The following ERBB4 variants were observed in gnomAD, a reference collection of about 807,000 sequenced individuals.
ERBB4 encodes receptor tyrosine-protein kinase erbB-4.
A neutral mutation model predicts 158.0 loss-of-function variants in ERBB4; 42 were observed. The ratio of observed to expected loss-of-function variants is 0.27; its 90% CI spans 0.21 to 0.34. ERBB4 has a LOEUF of 0.34. ERBB4 is among the 10% of genes least tolerant of loss of function. The pLI is 1.00. For synonymous variants in ERBB4, 583 were observed against 558.7 expected (o/e 1.04, Z -0.61); for missense variants, 1,333 against 1,624.1 (o/e 0.82, Z 3.08).
chr2:211,580,901 A>T (rs1296352002), intron 19 of ERBB4, among the ~76,000 whole-genome samples: 1 of 6,154 alleles, frequency 1.6e-4, no homozygotes, highest in Non-Finnish European at 2.9e-4. Context: ...ATATATATAT[A>T]TATATATATA....
chr2:211,428,268 G>A, intron 22 of ERBB4, 140 bp downstream of exon 22: 1 of 448,070 alleles, frequency 2.2e-6, no homozygotes, highest in Non-Finnish European at 4.1e-6. Flanking sequence ...AGAAAGCAAA[G>A]AGTTAACTGC....
At chr2:211,654,890 T>C (rs548971605) in intron 16 of ERBB4, among the ~76,000 whole-genome samples, 4 of 152,282 alleles carry the variant, frequency 2.6e-5, no homozygotes, top group African/African-American at 9.6e-5. Context: ...CTATTTATGA[T>C]AAGGCTAATC....
chr2:212,446,595 A>G (rs1416883168), intron 1 of ERBB4, among the ~76,000 whole-genome samples: 52 of 14,888 alleles, frequency 3.5e-3, no homozygotes, highest in South Asian at 0.023. Flanking sequence ...ATATATGTAT[A>G]TATATATATA....
At chr2:211,639,445 G>A (rs1287852110) in intron 16 of ERBB4, among the ~76,000 whole-genome samples, 1 of 152,156 alleles carries the variant, frequency 6.6e-6, no homozygotes, top group Non-Finnish European at 1.5e-5. Context: ...AGAGCAGAAA[G>A]TATTACATAA....
chr2:211,924,418 T>C (rs2079960304), intron 3 of ERBB4, among the ~76,000 whole-genome samples: 1 of 152,106 alleles, frequency 6.6e-6, no homozygotes, highest in Admixed American at 6.6e-5. Flanking sequence ...ACTTCACCAC[T>C]AAGCAACATA....
At chr2:211,794,811 C>A (rs997726239) in intron 3 of ERBB4, among the ~76,000 whole-genome samples, 1 of 151,824 alleles carries the variant, frequency 6.6e-6, no homozygotes, top group Admixed American at 6.6e-5. Context: ...TAATCCCATA[C>A]GTGTGTCAAC....
Position 212,433,641 on chromosome 2 carries a change from C to T in ERBB4, c.82+104808G>A, listed in dbSNP as rs534349808. On this transcript the variant is annotated intron_variant, in intron 1 of 27. Coordinates refer to ENST00000342788, the MANE Select transcript of ERBB4 (RefSeq NM_005235.3). ...TGATCCAAGAAAAAAATAGGTCCTT[C>T]GCAAAAGTTCTTTCTTAGAAGAGCT... Among the ~76,000 whole-genome samples the T allele has an allele frequency of 2.0e-4, 30 of 152,052 alleles. 1 individual carries two copies. The highest frequency in any genetic ancestry group is 1.4e-3 in the Admixed American group (22 of 15,246).
intron 4 of ERBB4, among the ~76,000 whole-genome samples, chr2:211,760,328 T>C (rs1224004546): frequency 6.6e-6 from 1 of 152,216 alleles, no homozygotes; most frequent in African/African-American, 2.4e-5. Context: ...TCTGTACACA[T>C]CTATCATATT....
In ERBB4 at chr2:211,566,383, T is replaced by C. The variant is rs1382108785; in HGVS notation, c.2302-4295A>G. 5.9e-5 allele frequency among the ~76,000 whole-genome samples: 9 copies of C among 152,220 alleles called. No individual in the cohort carries two copies. In the East Asian group the frequency reaches 1.7e-3, roughly 29 times the overall value. ...AGGTAAATAGGAGACACCCAACAAG[T>C]TTCCAAAATATCTGCGGAGACTGCT... is the stretch of plus-strand genomic sequence containing the variant. On this transcript the variant is annotated intron_variant, in intron 19 of 27. Transcript: ENST00000342788.
At chr2:212,343,556 C>A (rs2088828945) in intron 1 of ERBB4, among the ~76,000 whole-genome samples, 1 of 151,996 alleles carries the variant, frequency 6.6e-6, no homozygotes, top group Non-Finnish European at 1.5e-5. Context: ...GAAAGAGGGC[C>A]AAGAAAGCAC....
At chr2:211,636,606 T>C (rs1480755329) in intron 16 of ERBB4, among the ~76,000 whole-genome samples, 1 of 151,964 alleles carries the variant, frequency 6.6e-6, no homozygotes. Context: ...AATGCCACTT[T>C]TACTCTCCAA....
At chr2:211,618,166 G>A (rs1423653859) in intron 19 of ERBB4, among the ~76,000 whole-genome samples, 1 of 151,802 alleles carries the variant, frequency 6.6e-6, no homozygotes, top group Non-Finnish European at 1.5e-5. Context: ...ACTTGACTCA[G>A]GTAGGTTCTT....
At chr2:211,536,545 G>A (rs1301720642) in intron 20 of ERBB4, among the ~76,000 whole-genome samples, 1 of 151,934 alleles carries the variant, frequency 6.6e-6, no homozygotes. Flanking sequence ...GCGAATGATT[G>A]GGCAGTGTGG....
Position 211,383,239 on chromosome 2 carries a change from CT to C in ERBB4, c.*375del. The C allele has an allele frequency of 6.6e-5, 18 of 270,848 alleles. No individual in the cohort carries two copies. Among genetic ancestry groups the C allele is most frequent in the South Asian group, 2.5e-4 (4 of 15,852 alleles). 16.8% of individuals were successfully genotyped at this position (270,848 alleles called of 1,614,324 possible). ...ATAGCATGGGTGTTTCAACCATCTG[CT>C]TTAAAAAAAAAAAAAAAAAAGAAGA... On this transcript the variant is annotated 3_prime_UTR_variant, in exon 28 of 28. Transcript: ENST00000342788.
At chr2:212,083,694 T>C (rs891089421) in intron 2 of ERBB4, among the ~76,000 whole-genome samples, 1 of 151,736 alleles carries the variant, frequency 6.6e-6, no homozygotes, top group Admixed American at 6.6e-5. Flanking sequence ...CAACATAGGA[T>C]TGCACAATCC....
intron 1 of ERBB4, among the ~76,000 whole-genome samples, chr2:212,442,785 G>A (rs1290030950): frequency 6.6e-6 from 1 of 152,156 alleles, no homozygotes; most frequent in Non-Finnish European, 1.5e-5. Flanking sequence ...ACCCATTAGA[G>A]CTGCCTCTAC....
chr2:211,769,128 C>T (rs777217791), intron 4 of ERBB4, among the ~76,000 whole-genome samples: 3 of 152,132 alleles, frequency 2.0e-5, no homozygotes, highest in Admixed American at 6.5e-5. Context: ...TCAAAGTTCC[C>T]CAGGTCTCTA....
At chr2:211,920,261 T>G (rs930329877) in intron 3 of ERBB4, among the ~76,000 whole-genome samples, 3 of 152,010 alleles carry the variant, frequency 2.0e-5, no homozygotes, top group African/African-American at 7.2e-5. Context: ...ATGGATTTGT[T>G]ACTAAATTCT....
intron 1 of ERBB4, among the ~76,000 whole-genome samples, chr2:212,524,423 T>C (rs1222723002): frequency 2.0e-5 from 3 of 152,050 alleles, no homozygotes; most frequent in African/African-American, 4.8e-5. Context: ...GCATGTGATA[T>C]GGTTATCACC....
Sources: gnomAD v4.1 joint callset for allele counts (sites outside exome capture counted in the v4.1 genomes callset) on GRCh38, gnomAD v4.1.1 for gene constraint, MANE v1.5 for transcripts, NCBI Gene and HGNC (gene_info 2026-07-23, HGNC 2026-07-21) for gene names.